Variants in METTL2B observed in about 807,000 individuals in gnomAD.
The protein encoded by METTL2B is tRNA N(3)-cytidine methyltransferase METTL2B.
A neutral mutation model predicts 51.0 loss-of-function variants in METTL2B; 28 were observed. That is an observed-to-expected ratio of 0.55 (90% CI 0.41 to 0.75). The LOEUF (loss-of-function observed/expected upper bound fraction) is 0.75. Ranked by LOEUF, METTL2B falls within the 30% of genes least tolerant of loss-of-function variation. The pLI, the probability that METTL2B is intolerant of heterozygous loss-of-function variation, is 0.00. For synonymous variants in METTL2B, 128 were observed against 166.3 expected, an observed-to-expected ratio of 0.77 and a Z score of 1.77; for missense variants, 313 against 460.7, an observed-to-expected ratio of 0.68 and a Z score of 2.93.
Position 128,504,670 on chromosome 7 carries a change from T to A in METTL2B, c.*2754T>A, listed in dbSNP as rs955008637. ...ACGCCCGGCCAAGACCCTGACTTTT[T>A]AAAAAATGTTAAACATAGGCCGGGT... On this transcript the variant is annotated 3_prime_UTR_variant, in exon 9 of 9. Coordinates refer to ENST00000262432, the MANE Select transcript of METTL2B (RefSeq NM_018396.3). 6.8e-6 allele frequency: 1 copy of A among 147,932 alleles called. No individual in the cohort carries two copies. The highest frequency in any genetic ancestry group is 1.5e-5 in the Non-Finnish European group (1 of 66,994). 9.2% of individuals were successfully genotyped at this position (147,932 alleles called of 1,614,324 possible). A position where few individuals can be genotyped will look rare whatever the true frequency, so the allele number is the denominator to read the frequency against.
At chr7:128,500,212 C>T (rs1018333115) in intron 7 of METTL2B, among the ~76,000 whole-genome samples, 29 of 152,136 alleles carry the variant, frequency 1.9e-4, no homozygotes, top group Admixed American at 6.6e-4. Context: ...AAAACAGTAT[C>T]TGAGTTGTAT....
chr7:128,482,295 G>C (rs1267370066), intron 4 of METTL2B, among the ~76,000 whole-genome samples: 2 of 151,600 alleles, frequency 1.3e-5, no homozygotes, highest in Non-Finnish European at 2.9e-5. Context: ...CTGGGATTAA[G>C]GGTGCATGCC....
rs1380837981 is a variant in METTL2B, at chr7:128,504,304, A to AG, written c.*2390dup. 6.7e-6 allele frequency: 1 copy of AG among 149,556 alleles called. No individual in the cohort carries two copies. The highest frequency in any genetic ancestry group is 2.5e-5 in the African/African-American group (1 of 40,554). The allele number at this position is 149,556 out of a possible 1,614,324, so 9.3% of individuals were successfully genotyped here. A position where few individuals can be genotyped will look rare whatever the true frequency, so the allele number is the denominator to read the frequency against. Reference sequence around the variant, plus strand: ...GAGCCCAAGGCAGGAGGATGACTTGAGGCCAGGAGTTCAAGACCAGGCTGG... The same window carrying AG: ...GAGCCCAAGGCAGGAGGATGACTTGAGGGCCAGGAGTTCAAGACCAGGCTGG... On this transcript the variant is annotated 3_prime_UTR_variant, in exon 9 of 9. Coordinates refer to ENST00000262432, the MANE Select transcript of METTL2B (RefSeq NM_018396.3).
In METTL2B at chr7:128,502,666, A is replaced by C. The variant is rs1237154380; in HGVS notation, c.*750A>C. 2.2e-6 allele frequency: 1 copy of C among 446,070 alleles called. No individual in the cohort carries two copies. The highest frequency in any genetic ancestry group is 7.2e-5 in the East Asian group (1 of 13,882). 27.6% of individuals were successfully genotyped at this position (446,070 alleles called of 1,614,324 possible). On this transcript the variant is annotated 3_prime_UTR_variant, in exon 9 of 9. Coordinates refer to ENST00000262432, the MANE Select transcript of METTL2B (RefSeq NM_018396.3). ...GTAATCCCAGCACTTTGGGAGGCCG[A>C]GGCGGGCAGATCACCTGAGGTCAGG...
Position 128,502,016 on chromosome 7 carries a change from C to A in METTL2B, c.*100C>A. The stretch of plus-strand genomic sequence containing the variant: ...GCATGGTGCATGCCTGTAATCCCAG[C>A]CACTCAGGAGGCTGAGGCAGGGAGG... On this transcript the variant is annotated 3_prime_UTR_variant, in exon 9 of 9. Coordinates refer to ENST00000262432, the MANE Select transcript of METTL2B (RefSeq NM_018396.3). 2 of 1,528,180 alleles carry A rather than the reference C, an allele frequency of 1.3e-6. No homozygotes were observed. Among genetic ancestry groups the A allele is most frequent in the Admixed American group, 2.0e-5 (1 of 50,704 alleles). The allele number at this position is 1,528,180 out of a possible 1,614,324, so 94.7% of individuals were successfully genotyped here.
intron 5 of METTL2B, among the ~76,000 whole-genome samples, chr7:128,489,913 CCA>C (rs1792798250): frequency 6.6e-6 from 1 of 152,074 alleles, no homozygotes; most frequent in East Asian, 1.9e-4. Context: ...CAGGCGTGAG[CCA>C]CCGCGCCCGG....
chr7:128,482,367 TG>T (rs1799882605), intron 4 of METTL2B, among the ~76,000 whole-genome samples: 2 of 151,930 alleles, frequency 1.3e-5, no homozygotes, highest in Admixed American at 6.6e-5. Context: ...TTGGCCAGGC[TG>T]GTCTCAGACT....
At position 128,477,173 on chromosome 7, in the gene METTL2B, G is replaced by C. The variant is rs2288557; in HGVS notation, c.202G>C (p.Val68Leu). Residue 68 changes from valine to leucine, a missense_variant and splice_region_variant, in exon 2 of 9, where the codon GTT becomes CTT. Physicochemically the swap from Val to Leu is conservative, Grantham distance 32. This residue lies in a region of METTL2B where 67 missense variants were observed against 101.4 expected (regional missense o/e 0.66). Transcript: ENST00000262432. ...SIQRVCQEKQ[V>L]DYEINAHKYW... ...CCAGCGGGTGTGCCAGGAGAAACAA[G>C]GTGCGCTTAAATGGGCTCTCGTTGG... The C allele has an allele frequency of 2.5e-6, 4 of 1,613,586 alleles. No homozygotes were observed. The highest frequency in any genetic ancestry group is 3.4e-6 in the Non-Finnish European group (4 of 1,179,844).
At chr7:128,496,090 G>T (rs186500431) in intron 6 of METTL2B, among the ~76,000 whole-genome samples, 4 of 152,294 alleles carry the variant, frequency 2.6e-5, no homozygotes, top group Admixed American at 1.3e-4. Flanking sequence ...AGGACCCCTT[G>T]CTGGCTGCAC....
intron 4 of METTL2B, among the ~76,000 whole-genome samples, chr7:128,486,745 T>A (rs1377869678): frequency 6.6e-6 from 1 of 152,166 alleles, no homozygotes; most frequent in Non-Finnish European, 1.5e-5. Context: ...GCCAACATGG[T>A]GAAACCCCGT....
rs1412966256 is a variant in METTL2B at position 128,476,797 on chromosome 7, C to T, written c.32C>T (p.Ala11Val). The T allele has an allele frequency of 2.5e-6, 4 of 1,614,164 alleles. No individual in the cohort carries two copies. Among genetic ancestry groups the T allele is most frequent in the Non-Finnish European group, 2.5e-6 (3 of 1,180,014 alleles). MAGSYPEGAP[A>V]ILADKRQQFG... Reference sequence around the variant, plus strand: ...GGCTCCTACCCTGAAGGTGCACCTGCAATCCTCGCCGATAAGAGGCAGCAG... The same window carrying T: ...GGCTCCTACCCTGAAGGTGCACCTGTAATCCTCGCCGATAAGAGGCAGCAG... Residue 11 changes from alanine (A) to valine (V), a missense_variant, in exon 1 of 9, where the codon GCA (alanine) becomes GTA (valine). This residue lies in a region of METTL2B where 66 missense variants were observed against 58.2 expected (regional missense o/e 1.13). Coordinates refer to ENST00000262432, the MANE Select transcript of METTL2B (RefSeq NM_018396.3).
chr7:128,503,433 C>CTTT lies in METTL2B; in HGVS notation c.*1532_*1534dup, dbSNP rs35649928. ...ATGTGATCACTGTCAGTGTTAGATG[C>CTTT]TTTTTTTTTTTTTTTTTAGGAGACA... On this transcript the variant is annotated 3_prime_UTR_variant, in exon 9 of 9. Transcript: ENST00000262432. 0.23 allele frequency: 29,633 copies of CTTT among 129,170 alleles called. 3,934 individuals carry two copies. The highest frequency in any genetic ancestry group is 0.32 in the Middle Eastern group (77 of 244). The allele number at this position is 129,170 out of a possible 1,614,324, so 8.0% of individuals were successfully genotyped here. A position where few individuals can be genotyped will look rare whatever the true frequency, so the allele number is the denominator to read the frequency against.
chr7:128,481,871 C>G (rs1799876703), intron 4 of METTL2B, among the ~76,000 whole-genome samples: 2 of 152,200 alleles, frequency 1.3e-5, no homozygotes, highest in South Asian at 2.1e-4. Flanking sequence ...TCTCAAACTC[C>G]TGGCTCAAGT....
chr7:128,501,078 T>C (rs1472786539), intron 8 of METTL2B, 110 bp downstream of exon 8: 1 of 1,560,084 alleles, frequency 6.4e-7, no homozygotes, highest in East Asian at 2.3e-5. Flanking sequence ...GCAGGCTGTT[T>C]CCTTCGGTTC....
intron 7 of METTL2B, among the ~76,000 whole-genome samples, chr7:128,500,483 G>T (rs148450010): frequency 0.016 from 2,366 of 152,202 alleles, 31 homozygotes; most frequent in South Asian, 0.055. Context: ...TTAGCTGGGC[G>T]TGGTGGTGGG....
rs1793016865 is a variant in METTL2B, at chr7:128,500,918, G to A, written c.932G>A (p.Gly311Glu). The A allele has an allele frequency of 6.2e-7, 1 of 1,614,102 alleles. No individual in the cohort carries two copies. ...LRFKKGQCLS[G>E]NFYVRGDGTR... is the part of the protein sequence containing the mutation. ...CACTCTGCAGGTCAGTGTCTATCTGGAAATTTCTATGTGAGAGGTGATGGA... is the reference window on the plus strand; with the variant it reads ...CACTCTGCAGGTCAGTGTCTATCTGAAAATTTCTATGTGAGAGGTGATGGA... Residue 311 changes from glycine to glutamate, a missense_variant, in exon 8 of 9, where the codon GGA becomes GAA. Physicochemically the swap from Gly to Glu is moderately conservative, Grantham distance 98. This residue lies in a region of METTL2B where 138 missense variants were observed against 187.6 expected (regional missense o/e 0.74). Coordinates refer to ENST00000262432, the MANE Select transcript of METTL2B (RefSeq NM_018396.3).
In METTL2B at chr7:128,503,145, CT is replaced by C. The variant is rs1488303745; in HGVS notation, c.*1230del. 6.6e-6 allele frequency: 1 copy of C among 150,550 alleles called. No individual in the cohort carries two copies. The highest frequency in any genetic ancestry group is 2.0e-4 in the East Asian group (1 of 4,924). The allele number at this position is 150,550 out of a possible 1,614,324, so 9.3% of individuals were successfully genotyped here. A position where few individuals can be genotyped will look rare whatever the true frequency, so the allele number is the denominator to read the frequency against. Reference sequence around the variant, plus strand: ...AATAGCTGGGCATGGTGGCATGCGCCTGTAGTCCCCTGTAGTCCCAGCTACT... The same window carrying C: ...AATAGCTGGGCATGGTGGCATGCGCCGTAGTCCCCTGTAGTCCCAGCTACT... On this transcript the variant is annotated 3_prime_UTR_variant, in exon 9 of 9. Transcript: ENST00000262432.
intron 4 of METTL2B, among the ~76,000 whole-genome samples, chr7:128,485,724 T>C (rs1792690631): frequency 6.6e-6 from 1 of 151,618 alleles, no homozygotes; most frequent in African/African-American, 2.4e-5. Context: ...TCAGCTACTT[T>C]GGAGGCTGAG....
chr7:128,492,364 G>T (rs181061800), intron 5 of METTL2B, among the ~76,000 whole-genome samples: 1 of 151,698 alleles, frequency 6.6e-6, no homozygotes. Flanking sequence ...CACCATGTTG[G>T]CCAGGCTGGT....
Sources: allele counts gnomAD v4.1 joint callset (sites outside exome capture counted in the v4.1 genomes callset), GRCh38; gene constraint gnomAD v4.1.1; regional missense constraint gnomAD v4.1.1; transcripts MANE v1.5; gene names NCBI Gene and HGNC (gene_info 2026-07-23, HGNC 2026-07-21).